RBIS: variants seen among roughly 807,000 people sequenced by gnomAD.
RBIS encodes the protein ribosomal biogenesis factor, also known as ribosome biogenesis factor identified in screen.
A neutral mutation model predicts 9.8 loss-of-function variants in RBIS; 9 were observed. The ratio of observed to expected loss-of-function variants is 0.92; its 90% CI spans 0.56 to 1.61. The LOEUF (loss-of-function observed/expected upper bound fraction) is 1.61, where lower values mean the gene tolerates loss of function less well. Ranked by LOEUF, RBIS falls within the 40% of genes most tolerant of loss-of-function variation. RBIS has a pLI of 0.00. For synonymous variants in RBIS, 35 were observed against 37.9 expected, an observed-to-expected ratio of 0.92 and a Z score of 0.28; for missense variants, 103 against 116.0, an observed-to-expected ratio of 0.89 and a Z score of 0.51.
intron 2 of RBIS, 118 bp from the exon 3 acceptor site, chr8:85,215,155 A>G: frequency 2.1e-6 from 1 of 470,488 alleles, no homozygotes; most frequent in Non-Finnish European, 3.7e-6. Context: ...ATTAGGGATA[A>G]TTCACTCAAA....
rs1378605489 is a variant in RBIS, at chr8:85,214,285, T to C, written c.*275A>G. The C allele has an allele frequency of 8.7e-6, 5 of 573,496 alleles. No individual in the cohort carries two copies. Among genetic ancestry groups the C allele is most frequent in the Non-Finnish European group, 1.6e-5 (5 of 313,628 alleles). The allele number at this position is 573,496 out of a possible 1,614,324, so 35.5% of individuals were successfully genotyped here. A position where few individuals can be genotyped will look rare whatever the true frequency, so the allele number is the denominator to read the frequency against. On this transcript the variant is annotated 3_prime_UTR_variant, in exon 4 of 4. Transcript: ENST00000619594. ...TATGTCCTTCTATCCAAACAGACGT[T>C]CACTGCCACTTGTAAAGTGAAGGAT...
Position 85,214,546 on chromosome 8 carries a change from G to T in RBIS, c.*14C>A. ...TATTGGTCTTTGTGGAGAATTAGAT[G>T]CATCACCAGTATATTACAACAGAGC... is the stretch of plus-strand genomic sequence containing the variant. On this transcript the variant is annotated 3_prime_UTR_variant, in exon 4 of 4. Coordinates refer to ENST00000619594, the MANE Select transcript of RBIS (RefSeq NM_001099673.3). 1 of 1,475,130 alleles carries T rather than the reference G, an allele frequency of 6.8e-7. No homozygotes were observed. The highest frequency in any genetic ancestry group is 9.4e-7 in the Non-Finnish European group (1 of 1,060,342). The allele number at this position is 1,475,130 out of a possible 1,614,324, so 91.4% of individuals were successfully genotyped here.
intron 1 of RBIS, chr8:85,219,079 A>C (rs1183383227): frequency 6.6e-6 from 1 of 152,232 alleles, no homozygotes; most frequent in African/African-American, 2.4e-5. Context: ...CCAATGTATA[A>C]GGGGCAACGT....
chr8:85,214,263 G>A lies in RBIS; in HGVS notation c.*297C>T, dbSNP rs1587506792. On this transcript the variant is annotated 3_prime_UTR_variant, in exon 4 of 4. Coordinates refer to ENST00000619594, the MANE Select transcript of RBIS (RefSeq NM_001099673.3). ...CACTAAACTGCCTGTATTTCTGTATGTCCTTCTATCCAAACAGACGTTCAC... is the reference window on the plus strand; with the variant it reads ...CACTAAACTGCCTGTATTTCTGTATATCCTTCTATCCAAACAGACGTTCAC... 5.3e-6 allele frequency: 3 copies of A among 562,814 alleles called. No individual in the cohort carries two copies. Among genetic ancestry groups the A allele is most frequent in the South Asian group, 1.6e-5 (1 of 62,950 alleles). 34.9% of individuals were successfully genotyped at this position (562,814 alleles called of 1,614,324 possible).
chr8:85,217,661 T>A (rs1813205638), intron 1 of RBIS, 159 bp from the exon 2 acceptor site: 1 of 607,102 alleles, frequency 1.6e-6, no homozygotes, highest in South Asian at 2.1e-5. Context: ...TCACTCCTAG[T>A]AGATTTTCTG....
chr8:85,217,130 AG>A (rs1813182578), intron 2 of RBIS: 1 of 601,464 alleles, frequency 1.7e-6, no homozygotes. Flanking sequence ...TCTATGGTTC[AG>A]TAAAACTATT....
chr8:85,215,068 G>A, intron 2 of RBIS, 31 bp from the exon 3 acceptor site: 1 of 888,164 alleles, frequency 1.1e-6, no homozygotes, highest in Non-Finnish European at 1.8e-6. Flanking sequence ...ATTAATCTAT[G>A]ATCTCATAAC....
At chr8:85,215,810 AG>A (rs1328333226) in intron 2 of RBIS, 3 of 152,228 alleles carry the variant, frequency 2.0e-5, no homozygotes, top group East Asian at 1.9e-4. Context: ...AAACCCAAGG[AG>A]GGGGTCATGG....
At chr8:85,217,683 C>G (rs1389935856) in intron 1 of RBIS, 181 bp from the exon 2 acceptor site, 1 of 594,748 alleles carries the variant, frequency 1.7e-6, no homozygotes, top group African/African-American at 1.9e-5. Context: ...TCTTTGAGTA[C>G]AGAGTATGTA....
In RBIS at chr8:85,219,691, C is replaced by T. The variant is rs561036966; in HGVS notation, c.-4+615G>A. On this transcript the variant is annotated intron_variant, in intron 1 of 3. Coordinates refer to ENST00000619594, the MANE Select transcript of RBIS (RefSeq NM_001099673.3). ...CGGAGGTTGCAGTGAGCCGAGATCA[C>T]GCCACTGCACACCAGCCTGGGCGAC... is the stretch of plus-strand genomic sequence containing the variant. 6.6e-5 allele frequency among the ~76,000 whole-genome samples: 10 copies of T among 152,142 alleles called. No homozygotes were observed. In the South Asian group the frequency reaches 2.1e-3, roughly 32 times the overall value.
chr8:85,217,660 G>C, intron 1 of RBIS, 158 bp from the exon 2 acceptor site: 1 of 606,948 alleles, frequency 1.6e-6, no homozygotes, highest in East Asian at 2.8e-5. Flanking sequence ...TTCACTCCTA[G>C]TAGATTTTCT....
intron 1 of RBIS, 102 bp downstream of exon 1, chr8:85,220,204 C>G (rs888005830): frequency 6.6e-6 from 1 of 152,244 alleles, no homozygotes; most frequent in Admixed American, 6.5e-5. Context: ...GCGACGGAAC[C>G]GAGCCTACAG....
rs1224445921 is a variant in RBIS, at chr8:85,214,223, T to G, written c.*337A>C. 1.5e-5 allele frequency: 8 copies of G among 541,902 alleles called. No individual in the cohort carries two copies. The highest frequency in any genetic ancestry group is 1.1e-4 in the African/African-American group (6 of 53,540). 33.6% of individuals were successfully genotyped at this position (541,902 alleles called of 1,614,324 possible). ...GTTGGCCAAGGACTCATTACTTGTC[T>G]TATATTTTTACTGCCACTAAACTGC... On this transcript the variant is annotated 3_prime_UTR_variant, in exon 4 of 4. Transcript: ENST00000619594.
In RBIS at chr8:85,214,148, TTTC is replaced by T; in HGVS notation, c.*409_*411del. On this transcript the variant is annotated 3_prime_UTR_variant, in exon 4 of 4. Transcript: ENST00000619594. ...CTTCTAATTGTGAATCCTTCTGTTT[TTTC>T]TTCTTAAGGAGGAAAGTTAAAGGAC... 5.5e-6 allele frequency: 3 copies of T among 542,300 alleles called. No homozygotes were observed. Among genetic ancestry groups the T allele is most frequent in the South Asian group, 1.6e-5 (1 of 64,476 alleles). 33.6% of individuals were successfully genotyped at this position (542,300 alleles called of 1,614,324 possible). A position where few individuals can be genotyped will look rare whatever the true frequency, so the allele number is the denominator to read the frequency against.
intron 3 of RBIS, 102 bp downstream of exon 3, chr8:85,214,819 T>A: frequency 1.3e-6 from 1 of 748,430 alleles, no homozygotes; most frequent in Non-Finnish European, 2.3e-6. Context: ...GAGAGCCAAG[T>A]ACTAAAAATT....
At chr8:85,215,949 G>A (rs1813132125) in intron 2 of RBIS, 1 of 152,172 alleles carries the variant, frequency 6.6e-6, no homozygotes, top group Non-Finnish European at 1.5e-5. Flanking sequence ...CTATCTCCAG[G>A]TCAGCAGTGT....
intron 3 of RBIS, 142 bp from the exon 4 acceptor site, chr8:85,214,773 C>G: frequency 1.3e-6 from 1 of 741,490 alleles, no homozygotes; most frequent in Non-Finnish European, 2.3e-6. Flanking sequence ...GTTTTAGAGT[C>G]TGAATATGCT....
rs759799870 is a variant in RBIS, at chr8:85,214,940, T to A, written c.212A>T (p.Glu71Val). Residue 71 changes from glutamate to valine, a missense_variant, in exon 3 of 4, where the codon GAA becomes GTA. By Grantham distance (121) the Glu-to-Val change is moderately radical (BLOSUM62 -2). Coordinates refer to ENST00000619594, the MANE Select transcript of RBIS (RefSeq NM_001099673.3). ...GCTTACCAGTTCTTTCTGCAGAGGT[T>A]CAAGTGAAATGCTTTTTGCGAAATG... ...LAHFAKSISL[E>V]PLQKELIPQQ... 2 of 1,579,370 alleles carry A rather than the reference T, an allele frequency of 1.3e-6. No individual in the cohort carries two copies. The highest frequency in any genetic ancestry group is 1.7e-6 in the Non-Finnish European group (2 of 1,155,940).
chr8:85,217,237 AT>A, intron 2 of RBIS, 148 bp downstream of exon 2: 3 of 665,340 alleles, frequency 4.5e-6, no homozygotes, highest in South Asian at 1.7e-5. Flanking sequence ...TTTTTTTTAT[AT>A]TTTTTTAGAC....
Sources: gnomAD v4.1 joint callset for allele counts (sites outside exome capture counted in the v4.1 genomes callset) on GRCh38, gnomAD v4.1.1 for gene constraint, MANE v1.5 for transcripts, NCBI Gene and HGNC (gene_info 2026-07-23, HGNC 2026-07-21) for gene names.